Variants in NTRK3 observed in about 807,000 individuals in gnomAD.
The protein encoded by NTRK3 is neurotrophic receptor tyrosine kinase 3.
A neutral mutation model predicts 91.7 loss-of-function variants in NTRK3; 24 were observed. The observed-to-expected ratio is 0.26, with a 90% confidence interval of 0.19 to 0.37. The LOEUF (loss-of-function observed/expected upper bound fraction) is 0.37, where lower values mean the gene tolerates loss of function less well. Ranked by LOEUF, NTRK3 falls within the 10% of genes least tolerant of loss-of-function variation. The pLI is 1.00. For missense variants in NTRK3, 880 were observed against 1,068.9 expected, an observed-to-expected ratio of 0.82 and a Z score of 2.46; for synonymous variants, 483 against 404.0, an observed-to-expected ratio of 1.20 and a Z score of -2.34.
At chr15:88,216,773 T>G (rs767509872) in intron 3 of NTRK3, among the ~76,000 whole-genome samples, 13 of 152,190 alleles carry the variant, frequency 8.5e-5, no homozygotes, top group Non-Finnish European at 1.8e-4. Flanking sequence ...CCTCCTCCCA[T>G]GGCAAGAGCT....
chr15:88,040,821 T>C (rs2079537433), intron 13 of NTRK3, among the ~76,000 whole-genome samples: 1 of 152,230 alleles, frequency 6.6e-6, no homozygotes. Context: ...ATTAATTAAA[T>C]ACCAACTACA....
At chr15:88,253,838 G>A (rs2053698820) in intron 3 of NTRK3, among the ~76,000 whole-genome samples, 1 of 152,142 alleles carries the variant, frequency 6.6e-6, no homozygotes, top group African/African-American at 2.4e-5. Context: ...GTACCAAAGA[G>A]GGCAAGAGGC....
chr15:87,902,059 G>A (rs1434191271), intron 17 of NTRK3, among the ~76,000 whole-genome samples: 1 of 152,292 alleles, frequency 6.6e-6, no homozygotes, highest in Non-Finnish European at 1.5e-5. Context: ...ACTCAGAAAA[G>A]CTGAAGGGGA....
intron 14 of NTRK3, among the ~76,000 whole-genome samples, chr15:87,973,343 C>G (rs1009388582): frequency 7.9e-5 from 12 of 152,076 alleles, no homozygotes. Flanking sequence ...AAAGTCCTAC[C>G]CAAGAGGGCC....
intron 13 of NTRK3, among the ~76,000 whole-genome samples, chr15:88,115,528 G>A (rs2051949930): frequency 1.3e-5 from 2 of 152,220 alleles, no homozygotes; most frequent in Non-Finnish European, 2.9e-5. Context: ...CCTGCTGGCA[G>A]ATAGACAGAT....
chr15:88,093,055 G>GGTTATTTTT (rs376897260), intron 13 of NTRK3, among the ~76,000 whole-genome samples: 1 of 150,728 alleles, frequency 6.6e-6, no homozygotes, highest in African/African-American at 2.4e-5. Context: ...TTGGCTTTGG[G>GGTTATTTTT]GTTTTTTTTG....
At chr15:87,981,639 C>T (rs1003838647) in intron 14 of NTRK3, among the ~76,000 whole-genome samples, 1 of 152,146 alleles carries the variant, frequency 6.6e-6, no homozygotes, top group African/African-American at 2.4e-5. Context: ...TGCACTTTTC[C>T]TAACATATTT....
At chr15:87,882,101 G>A (rs1278377847) in intron 17 of NTRK3, among the ~76,000 whole-genome samples, 1 of 151,842 alleles carries the variant, frequency 6.6e-6, no homozygotes, top group Non-Finnish European at 1.5e-5. Flanking sequence ...TCACCGCATT[G>A]GTCAGGCTGG....
intron 13 of NTRK3, among the ~76,000 whole-genome samples, chr15:88,045,603 G>C (rs1274989383): frequency 6.6e-6 from 1 of 152,208 alleles, no homozygotes; most frequent in African/African-American, 2.4e-5. Flanking sequence ...CAAACTAGGT[G>C]ACTTAAAACA....
At chr15:88,032,351 G>A (rs546420053) in intron 14 of NTRK3, among the ~76,000 whole-genome samples, 1 of 152,220 alleles carries the variant, frequency 6.6e-6, no homozygotes, top group East Asian at 1.9e-4. Context: ...TCCTAGCGCT[G>A]GGGCTGTGAT....
At chr15:88,256,714 G>A (rs1260156632) in exon 1 of NTRK3, 2 of 369,654 alleles carry the variant, frequency 5.4e-6, no homozygotes, top group Non-Finnish European at 9.6e-6. Flanking sequence ...ATGGCTCGCC[G>A]CGCGGCTGCA....
In NTRK3 at chr15:88,240,574, G is replaced by C. The variant is rs977837496; in HGVS notation, c.248+15332C>G. 6.6e-6 allele frequency among the ~76,000 whole-genome samples: 1 copy of C among 152,186 alleles called. No individual in the cohort carries two copies. Among genetic ancestry groups the C allele is most frequent in the South Asian group, 2.1e-4 (1 of 4,828 alleles). ...GCTGGGGCTGGCAGGAAATGGAAAG[G>C]GGTCTGTAATACAGGGCTGCCCCCC... On this transcript the variant is annotated intron_variant, in intron 3 of 18. Coordinates refer to ENST00000394480, the Ensembl canonical transcript of NTRK3. The surrounding 1 kb of genome is among the most constrained non-coding windows in gnomAD (Gnocchi z 4.9).
At chr15:88,029,558 T>C (rs2078345799) in intron 14 of NTRK3, among the ~76,000 whole-genome samples, 2 of 152,200 alleles carry the variant, frequency 1.3e-5, no homozygotes, top group Admixed American at 1.3e-4. Context: ...CAGGTAGCAT[T>C]ATGTTCATGC....
At chr15:88,087,784 C>T (rs1258504266) in intron 13 of NTRK3, among the ~76,000 whole-genome samples, 2 of 152,196 alleles carry the variant, frequency 1.3e-5, no homozygotes, top group Admixed American at 6.5e-5. Context: ...TGTGGTGGCT[C>T]ATGCCTGTAA....
chr15:88,148,994 G>GA (rs1326433289), intron 5 of NTRK3, among the ~76,000 whole-genome samples: 5 of 152,212 alleles, frequency 3.3e-5, no homozygotes, highest in Admixed American at 3.3e-4. Context: ...GAGGCGATGG[G>GA]ATAGAGACCT....
rs780813613 is a variant in NTRK3 at position 88,135,405 on chromosome 15, G to C, written c.908-8C>G. The C allele has an allele frequency of 2.5e-6, 4 of 1,612,740 alleles. No homozygotes were observed. The South Asian group carries it at 4.4e-5, about 18-fold the overall frequency. ...TCACCACACGTGGGGGATCTGTCAA[G>C]GGAGAAGCCTGCTGAAATCCAGGAC... On this transcript the variant is annotated splice_polypyrimidine_tract_variant and splice_region_variant and intron_variant, in intron 9 of 18. Coordinates refer to ENST00000394480, the Ensembl canonical transcript of NTRK3.
chr15:87,885,219 G>C (rs2065471388), intron 17 of NTRK3, among the ~76,000 whole-genome samples: 9 of 151,844 alleles, frequency 5.9e-5, no homozygotes, highest in Admixed American at 5.9e-4. Context: ...AAATGTCCAA[G>C]GTTATTTAAA....
rs550063854 is a variant in NTRK3, at chr15:88,215,302, G to A, written c.249-31003C>T. On this transcript the variant is annotated intron_variant, in intron 3 of 18. Coordinates refer to ENST00000394480, the Ensembl canonical transcript of NTRK3. ...TGGAGAAGGAAAGCAGCTGTCACCC[G>A]GGATGGACCTAAGCAGCATGCCCAG... is the stretch of plus-strand genomic sequence containing the variant. 1.2e-4 allele frequency among the ~76,000 whole-genome samples: 18 copies of A among 152,356 alleles called. No homozygotes were observed. The South Asian group carries it at 2.1e-3, about 18-fold the overall frequency.
At chr15:87,933,065 G>C (rs1227526287) in exon 16 of NTRK3, 2 of 1,614,056 alleles carry the variant, frequency 1.2e-6, no homozygotes, top group Non-Finnish European at 1.7e-6. Context: ...CCATGATGAG[G>C]GGGTCCCCAT....
Sources: gnomAD v4.1 joint callset for allele counts (sites outside exome capture counted in the v4.1 genomes callset) on GRCh38, gnomAD v4.1.1 for gene constraint, Gnocchi (gnomAD v3.1) non-coding constraint, MANE v1.5 for transcripts, NCBI Gene and HGNC (gene_info 2026-07-23, HGNC 2026-07-21) for gene names.